TCF20: variants seen among roughly 807,000 people sequenced by gnomAD.
TCF20 encodes transcription factor 20, also known as SPRE-binding protein.
In TCF20, 3 loss-of-function variants were observed where a neutral mutation model predicts 148.6. The ratio of observed to expected loss-of-function variants is 0.02; its 90% CI spans 0.01 to 0.05. The LOEUF is 0.05. TCF20 is among the 10% of genes least tolerant of loss of function. TCF20 has a pLI of 1.00. For missense variants in TCF20, 2,350 were observed against 2,429.3 expected (o/e 0.97, Z 0.69); for synonymous variants, 1,049 against 909.5 (o/e 1.15, Z -2.76).
chr22:42,266,120 G>A (rs770515480), intron 1 of TCF20, among the ~76,000 whole-genome samples: 2 of 151,484 alleles, frequency 1.3e-5, no homozygotes, highest in Non-Finnish European at 2.9e-5. Context: ...AGGAAGATAT[G>A]GATTCCAGGG....
Position 42,210,910 on chromosome 22 carries a change from A to T in TCF20, c.4396T>A (p.Ser1466Thr). 6.2e-7 allele frequency: 1 copy of T among 1,614,048 alleles called. No homozygotes were observed. Among genetic ancestry groups the T allele is most frequent in the Non-Finnish European group, 8.5e-7 (1 of 1,180,010 alleles). ...CTACCAGGCTTCTGTGAGGTTGTGG[A>T]TGTCATGGCACCAGGGGGTTCCTTT... ...AGKEPPGAMT[S>T]TTSQKPGSNQ... The change falls in exon 2 of 6, where the codon TCC (serine) becomes ACC (threonine). Residue 1466 changes from serine to threonine, a missense_variant. By Grantham distance (58) the Ser-to-Thr change is moderately conservative. Transcript: ENST00000677622. The surrounding 1 kb of genome is among the most constrained non-coding windows in gnomAD (Gnocchi z 4.7).
At position 42,210,976 on chromosome 22, in the gene TCF20, T is replaced by C. The variant is rs1920945135; in HGVS notation, c.4330A>G (p.Lys1444Glu). 1.2e-6 allele frequency: 2 copies of C among 1,614,158 alleles called. No homozygotes were observed. The highest frequency in any genetic ancestry group is 1.7e-6 in the Non-Finnish European group (2 of 1,180,022). The part of the protein sequence containing the change: ...SEEWRGSVDD[K>E]VKTETHAETV... The stretch of plus-strand genomic sequence containing the variant: ...TCTGCATGTGTCTCTGTCTTCACTT[T>C]GTCATCCACGCTGCCACGCCACTCT... Residue 1444 changes from lysine (K) to glutamate (E), a missense_variant, in exon 2 of 6, where the codon AAA (lysine) becomes GAA (glutamate). By Grantham distance (56) the Lys-to-Glu change is moderately conservative. Transcript: ENST00000677622. The surrounding 1 kb of genome is among the most constrained non-coding windows in gnomAD (Gnocchi z 4.7).
At position 42,209,784 on chromosome 22, in the gene TCF20, T is replaced by C; in HGVS notation, c.5522A>G (p.Gln1841Arg). 1 of 1,614,138 alleles carries C rather than the reference T, an allele frequency of 6.2e-7. No individual in the cohort carries two copies. Among genetic ancestry groups the C allele is most frequent in the Non-Finnish European group, 8.5e-7 (1 of 1,180,020 alleles). Residue 1841 changes from glutamine to arginine, a missense_variant, in exon 2 of 6, where the codon CAA becomes CGA. By Grantham distance (43) the Gln-to-Arg change is conservative (BLOSUM62 1). This residue lies in a region of TCF20 where 374 missense variants were observed against 398.3 expected (regional missense o/e 0.94). Transcript: ENST00000677622. ...TSEGGPELEL[Q>R]IPELPLDSNE... ...GCTGTCAAGAGGTAGTTCAGGGATT[T>C]GTAACTCCAGCTCAGGGCCACCTTC...
intron 2 of TCF20, among the ~76,000 whole-genome samples, chr22:42,191,509 G>A (rs1260404686): frequency 1.3e-5 from 2 of 152,064 alleles, no homozygotes; most frequent in African/African-American, 2.4e-5. Context: ...GGCTGGTCTC[G>A]AACTCCTGAC....
At chr22:42,328,606 C>CCA (rs1296752202) in intron 1 of TCF20, among the ~76,000 whole-genome samples, 1 of 152,210 alleles carries the variant, frequency 6.6e-6, no homozygotes, top group Non-Finnish European at 1.5e-5. Context: ...GGCTCACCTC[C>CCA]CACTCACCCA....
chr22:42,205,411 C>G (rs949383671), intron 2 of TCF20, among the ~76,000 whole-genome samples: 3 of 150,834 alleles, frequency 2.0e-5, no homozygotes, highest in Non-Finnish European at 4.4e-5. Flanking sequence ...TTGAGGACTT[C>G]CCAATATTTT....
chr22:42,260,580 G>A (rs748279089), intron 1 of TCF20, among the ~76,000 whole-genome samples: 5 of 152,086 alleles, frequency 3.3e-5, no homozygotes, highest in Non-Finnish European at 5.9e-5. Context: ...ATCACAGCTC[G>A]CAGATGCAAT....
At chr22:42,325,652 A>G (rs1927861875) in intron 1 of TCF20, among the ~76,000 whole-genome samples, 1 of 152,172 alleles carries the variant, frequency 6.6e-6, no homozygotes, top group African/African-American at 2.4e-5. Context: ...GGAGGCCCTC[A>G]AGGAGCTCAC....
intron 2 of TCF20, among the ~76,000 whole-genome samples, chr22:42,204,797 A>G (rs1938278336): frequency 6.6e-6 from 1 of 152,234 alleles, no homozygotes; most frequent in African/African-American, 2.4e-5. Flanking sequence ...GTGAGCCAAG[A>G]TTGTGCCACT....
Position 42,201,990 on chromosome 22 carries a change from ATAATAT to A in TCF20, c.5655+7655_5655+7660del, listed in dbSNP as rs554954940. On this transcript the variant is annotated intron_variant, in intron 2 of 5. Transcript: ENST00000677622. Reference sequence around the variant, plus strand: ...GTTGGCTGATGCTATTTCATAAGACATAATATTAATACTGCACCTGAAATACCTCAC... The same window carrying A: ...GTTGGCTGATGCTATTTCATAAGACATAATACTGCACCTGAAATACCTCAC... 1.8e-3 allele frequency among the ~76,000 whole-genome samples: 281 copies of A among 152,280 alleles called. 3 individuals are homozygous for A. The highest frequency in any genetic ancestry group is 6.8e-3 in the Middle Eastern group (2 of 294).
At chr22:42,186,264 C>G (rs770397498) in intron 2 of TCF20, among the ~76,000 whole-genome samples, 1 of 152,178 alleles carries the variant, frequency 6.6e-6, no homozygotes, top group Non-Finnish European at 1.5e-5. Flanking sequence ...AGGGTGTCAG[C>G]ACACGTGTGA....
intron 1 of TCF20, among the ~76,000 whole-genome samples, chr22:42,326,709 A>G (rs949118934): frequency 1.3e-5 from 2 of 152,224 alleles, no homozygotes; most frequent in Non-Finnish European, 2.9e-5. Context: ...CTGTAAAACC[A>G]TAACTGTAGT....
rs147242008 is a variant in TCF20, at chr22:42,191,206, A to G, written c.5656-11504T>C. Among the ~76,000 whole-genome samples, 93 of 152,338 alleles carry G rather than the reference A, an allele frequency of 6.1e-4. No individual in the cohort carries two copies. The Middle Eastern group carries it at 0.017, about 28-fold the overall frequency. ...TGTTATAATGTTAATATGAAGTCTC[A>G]TAACTCAGAAGGCCAACACAGGTGT... is the stretch of plus-strand genomic sequence containing the variant. On this transcript the variant is annotated intron_variant, in intron 2 of 5. Transcript: ENST00000677622.
chr22:42,243,716 T>C (rs1318504363), intron 1 of TCF20, among the ~76,000 whole-genome samples: 2 of 152,222 alleles, frequency 1.3e-5, no homozygotes, highest in Admixed American at 1.3e-4. Context: ...TTAGTAATAG[T>C]GGAACCTATG....
chr22:42,285,532 G>C (rs1279276679), upstream of TCF20, among the ~76,000 whole-genome samples: 1 of 152,108 alleles, frequency 6.6e-6, no homozygotes, highest in African/African-American at 2.4e-5. The surrounding 1 kb of genome is among the most constrained non-coding windows in gnomAD (Gnocchi z 4.2). Flanking sequence ...AGCCCTTCTA[G>C]ATAAACTACT....
At chr22:42,179,490 C>CAAAAAAA (rs57857271) in intron 3 of TCF20, 119 bp downstream of exon 3, 24 of 373,238 alleles carry the variant, frequency 6.4e-5, no homozygotes, top group African/African-American at 2.3e-4. Flanking sequence ...TATGAAGTGA[C>CAAAAAAA]AAAAAAAAAA....
chr22:42,234,095 C>G (rs1257418350), intron 1 of TCF20, among the ~76,000 whole-genome samples: 1 of 152,268 alleles, frequency 6.6e-6, no homozygotes, highest in East Asian at 1.9e-4. Context: ...GAAACAGACA[C>G]GTTTAAAATT....
At chr22:42,194,695 G>A (rs1378159866) in intron 2 of TCF20, among the ~76,000 whole-genome samples, 1 of 152,146 alleles carries the variant, frequency 6.6e-6, no homozygotes, top group Non-Finnish European at 1.5e-5. Flanking sequence ...TTGGTGGACT[G>A]TGAGTTTCAC....
chr22:42,271,845 G>A (rs1345152741), upstream of TCF20, among the ~76,000 whole-genome samples: 1 of 152,186 alleles, frequency 6.6e-6, no homozygotes, highest in Non-Finnish European at 1.5e-5. Flanking sequence ...AACCAGGTGT[G>A]GTCTGGAACC....
Sources: allele counts gnomAD v4.1 joint callset (sites outside exome capture counted in the v4.1 genomes callset), GRCh38; gene constraint gnomAD v4.1.1; regional missense constraint gnomAD v4.1.1; non-coding constraint Gnocchi (gnomAD v3.1); transcripts MANE v1.5; gene names NCBI Gene and HGNC (gene_info 2026-07-23, HGNC 2026-07-21).